Variants in CNGA1 observed in about 807,000 individuals in gnomAD.
The protein encoded by CNGA1 is cyclic nucleotide gated channel subunit alpha 1, also known as cyclic nucleotide-gated channel alpha-1.
In CNGA1, 53 loss-of-function variants were observed where a neutral mutation model predicts 69.7. The ratio of observed to expected loss-of-function variants is 0.76; its 90% CI spans 0.61 to 0.96. The LOEUF is 0.96. Ranked by LOEUF, CNGA1 falls within the 40% of genes least tolerant of loss-of-function variation. The pLI, the probability that CNGA1 is intolerant of heterozygous loss-of-function variation, is 0.00. For missense variants in CNGA1, 739 were observed against 811.2 expected, an observed-to-expected ratio of 0.91 and a Z score of 1.08; for synonymous variants, 249 against 283.5, an observed-to-expected ratio of 0.88 and a Z score of 1.22.
chr4:48,010,525 C>T (rs1049630826), intron 2 of CNGA1, among the ~76,000 whole-genome samples: 5 of 152,126 alleles, frequency 3.3e-5, no homozygotes, highest in African/African-American at 7.2e-5. Context: ...GGTGGTGGGT[C>T]GCTTCCAAGA....
chr4:47,992,869 A>G (rs963001872), intron 2 of CNGA1, among the ~76,000 whole-genome samples: 2 of 151,980 alleles, frequency 1.3e-5, no homozygotes, highest in African/African-American at 4.8e-5. Flanking sequence ...TTTCCCTTGT[A>G]TGCTGATTTT....
Position 47,936,385 on chromosome 4 carries a change from T to C in CNGA1, c.*36A>G, listed in dbSNP as rs1578058784. The stretch of plus-strand genomic sequence containing the variant: ...GTCAGTCATAGGATCAAAAGGATCA[T>C]GAGGCATGTCCCTGTTAATGACCAG... On this transcript the variant is annotated 3_prime_UTR_variant, in exon 11 of 11. Coordinates refer to ENST00000514170, the MANE Select transcript of CNGA1 (RefSeq NM_001379270.1). 6.2e-7 allele frequency: 1 copy of C among 1,601,218 alleles called. No individual in the cohort carries two copies. Among genetic ancestry groups the C allele is most frequent in the Non-Finnish European group, 8.6e-7 (1 of 1,168,300 alleles).
chr4:47,948,789 A>G (rs796306325), intron 6 of CNGA1, among the ~76,000 whole-genome samples: 6 of 152,300 alleles, frequency 3.9e-5, no homozygotes, highest in South Asian at 2.1e-4. Context: ...CCATGACTCA[A>G]GAAGGGCATG....
At chr4:47,957,086 A>C (rs563827496) in intron 3 of CNGA1, among the ~76,000 whole-genome samples, 1 of 152,114 alleles carries the variant, frequency 6.6e-6, no homozygotes, top group East Asian at 1.9e-4. Flanking sequence ...GGTGCATGCC[A>C]CCATGCCTGG....
At chr4:47,969,928 A>T (rs557454269) in intron 3 of CNGA1, among the ~76,000 whole-genome samples, 129 of 152,296 alleles carry the variant, frequency 8.5e-4, no homozygotes, top group African/African-American at 3.0e-3. Flanking sequence ...AAAATATATG[A>T]TATATGCCTT....
chr4:48,007,291 C>G (rs321646), intron 2 of CNGA1, among the ~76,000 whole-genome samples: 124,086 of 152,172 alleles, frequency 0.82, 51,104 homozygotes, highest in Non-Finnish European at 0.88. Context: ...TCTGACACAG[C>G]GGTCCATATG....
intron 3 of CNGA1, among the ~76,000 whole-genome samples, chr4:47,961,177 T>C (rs1196236980): frequency 1.3e-5 from 2 of 152,230 alleles, no homozygotes; most frequent in African/African-American, 4.8e-5. Context: ...TTTCAGGTAT[T>C]TCTTTTAAGC....
At position 47,943,210 on chromosome 4, in the gene CNGA1, T is replaced by G; in HGVS notation, c.408A>C (p.Lys136Asn). The change falls in exon 8 of 11, where the codon AAA becomes AAC. Residue 136 changes from lysine to asparagine, a missense_variant. Physicochemically the swap from Lys to Asn is moderately conservative, Grantham distance 94. Transcript: ENST00000514170. ...CTTTCTTATCTTTGCTTTTCTCCTC[T>G]TTCTTTTTCTTCTCTTTGTCCTTTT... ...KKKKDKEKKK[K>N]EEKSKDKKEE... 1 of 1,607,780 alleles carries G rather than the reference T, an allele frequency of 6.2e-7. No individual in the cohort carries two copies. Among genetic ancestry groups the G allele is most frequent in the African/African-American group, 1.3e-5 (1 of 74,822 alleles).
chr4:48,010,857 G>T lies in CNGA1; in HGVS notation c.-186C>A. Reference sequence around the variant, plus strand: ...TGCGATGGCAGCAAACGACAGTGGTGGGCAGTGGTGGACGGCAAGCGAAAG... The same window carrying T: ...TGCGATGGCAGCAAACGACAGTGGTTGGCAGTGGTGGACGGCAAGCGAAAG... On this transcript the variant is annotated 5_prime_UTR_variant, in exon 2 of 11. Transcript: ENST00000514170. 1 of 153,718 alleles carries T rather than the reference G, an allele frequency of 6.5e-6. No individual in the cohort carries two copies. Among genetic ancestry groups the T allele is most frequent in the South Asian group, 1.8e-4 (1 of 5,416 alleles). 9.5% of individuals were successfully genotyped at this position (153,718 alleles called of 1,614,324 possible). A position where few individuals can be genotyped will look rare whatever the true frequency, so the allele number is the denominator to read the frequency against.
At chr4:47,989,684 G>T (rs116557666) in intron 2 of CNGA1, among the ~76,000 whole-genome samples, 1 of 151,918 alleles carries the variant, frequency 6.6e-6, no homozygotes, top group African/African-American at 2.4e-5. Context: ...GGAAGCTGGT[G>T]GTGTTTGGTT....
At chr4:47,947,342 G>A (rs1272864195) in intron 6 of CNGA1, among the ~76,000 whole-genome samples, 1 of 152,118 alleles carries the variant, frequency 6.6e-6, no homozygotes, top group Non-Finnish European at 1.5e-5. Flanking sequence ...CAATGGCACA[G>A]CTTCAAGCAG....
chr4:47,964,176 C>T (rs1359307828), intron 3 of CNGA1, among the ~76,000 whole-genome samples: 2 of 152,162 alleles, frequency 1.3e-5, no homozygotes, highest in African/African-American at 4.8e-5. Flanking sequence ...CACATGCCAA[C>T]TCCCTGTTGT....
rs1738635422 is a variant in CNGA1 at position 47,936,337 on chromosome 4, T to C, written c.*84A>G. 1 of 1,500,048 alleles carries C rather than the reference T, an allele frequency of 6.7e-7. No homozygotes were observed. The highest frequency in any genetic ancestry group is 9.2e-7 in the Non-Finnish European group (1 of 1,081,748). The allele number at this position is 1,500,048 out of a possible 1,614,324, so 92.9% of individuals were successfully genotyped here. ...GAAAAATTTCCCAACTGAGTCTTCC[T>C]CTTCTTTTAAATTTTAGTTGATGTC... On this transcript the variant is annotated 3_prime_UTR_variant, in exon 11 of 11. Coordinates refer to ENST00000514170, the MANE Select transcript of CNGA1 (RefSeq NM_001379270.1).
chr4:47,953,382 T>C (rs1471304111), intron 3 of CNGA1, among the ~76,000 whole-genome samples: 2 of 152,196 alleles, frequency 1.3e-5, no homozygotes, highest in African/African-American at 4.8e-5. Context: ...GGACCTCGCA[T>C]ACCCATCAAG....
At chr4:47,990,983 T>C (rs1443208818) in intron 2 of CNGA1, among the ~76,000 whole-genome samples, 1 of 152,184 alleles carries the variant, frequency 6.6e-6, no homozygotes, top group Non-Finnish European at 1.5e-5. Flanking sequence ...ATTCATTCCT[T>C]TTTATGGTTG....
At chr4:47,967,704 T>C (rs1740798235) in intron 3 of CNGA1, among the ~76,000 whole-genome samples, 1 of 152,126 alleles carries the variant, frequency 6.6e-6, no homozygotes, top group East Asian at 1.9e-4. Flanking sequence ...TACCGCTGGG[T>C]GCAGTGGCTC....
At chr4:47,951,302 T>C in intron 5 of CNGA1, 51 bp downstream of exon 5, 1 of 1,202,498 alleles carries the variant, frequency 8.3e-7, no homozygotes, top group South Asian at 1.2e-5. Context: ...ACTGCAACCT[T>C]AAGCATAAAT....
chr4:47,943,257 C>A lies in CNGA1; in HGVS notation c.361G>T (p.Asp121Tyr). The A allele has an allele frequency of 1.3e-6, 2 of 1,568,764 alleles. No homozygotes were observed. Among genetic ancestry groups the A allele is most frequent in the South Asian group, 2.4e-5 (2 of 85,078 alleles). ...TTTTTCTTCTTTTTCTTCTCTGGGT[C>A]GTTTTTATTTTCGTTTTTATCATCT... ...KSDDKNENKN[D>Y]PEKKKKKKDK... The change falls in exon 8 of 11, where the codon GAC becomes TAC. Residue 121 changes from aspartate to tyrosine, a missense_variant. Transcript: ENST00000514170.
intron 10 of CNGA1, 72 bp from the exon 11 acceptor site, chr4:47,937,901 C>G (rs984996349): frequency 2.0e-4 from 235 of 1,184,826 alleles, no homozygotes; most frequent in African/African-American, 1.8e-3. Context: ...GAATAACTGT[C>G]AATTAACTTT....
Sources: allele counts gnomAD v4.1 joint callset (sites outside exome capture counted in the v4.1 genomes callset), GRCh38; gene constraint gnomAD v4.1.1; transcripts MANE v1.5; gene names NCBI Gene and HGNC (gene_info 2026-07-23, HGNC 2026-07-21).